SIM2: variants seen among roughly 807,000 people sequenced by gnomAD.
The protein encoded by SIM2 is single-minded homolog 2.
Under a neutral mutation model 64.8 loss-of-function variants are expected in SIM2, and 28 were observed. The observed-to-expected ratio is 0.43, with a 90% CI of 0.32 to 0.59. The LOEUF (loss-of-function observed/expected upper bound fraction) is 0.59, where lower values mean the gene tolerates loss of function less well. Among genes scored for constraint, SIM2 ranks in the 20% least tolerant of loss-of-function variants. The probability of loss-of-function intolerance (pLI) is 0.07; values close to 1 mark genes in which losing one functional copy is unlikely to be tolerated. For missense variants in SIM2, 847 were observed against 871.4 expected (o/e 0.97, Z 0.35); for synonymous variants, 408 against 391.1 (o/e 1.04, Z -0.51).
chr21:36,720,737 T>G (rs557239031), intron 4 of SIM2: 2 of 152,368 alleles, frequency 1.3e-5, no homozygotes, highest in South Asian at 2.1e-4. Context: ...GAAGCCCTGG[T>G]CATTACACAA....
intron 2 of SIM2, among the ~76,000 whole-genome samples, chr21:36,711,003 T>A (rs1359997651): frequency 6.6e-6 from 1 of 152,228 alleles, no homozygotes; most frequent in Non-Finnish European, 1.5e-5. Flanking sequence ...ACCCCCAGAC[T>A]TCTCTGTGCT....
chr21:36,736,795 T>C (rs13049561), intron 7 of SIM2, among the ~76,000 whole-genome samples: 63 of 142,516 alleles, frequency 4.4e-4, no homozygotes, highest in East Asian at 2.9e-3. Flanking sequence ...CCTTCTTTCT[T>C]TTTCTTTCTG....
chr21:36,728,961 C>T (rs80028463), intron 6 of SIM2, among the ~76,000 whole-genome samples: 323 of 152,332 alleles, frequency 2.1e-3, no homozygotes, highest in African/African-American at 6.7e-3. Context: ...GAAACTGGAG[C>T]TGATGCTTTT....
chr21:36,720,194 C>T lies in SIM2; in HGVS notation c.457+265C>T, dbSNP rs2088806647. 7.1e-6 allele frequency: 3 copies of T among 422,162 alleles called. No individual in the cohort carries two copies. The East Asian group carries it at 1.1e-4, about 15-fold the overall frequency. The allele number at this position is 422,162 out of a possible 1,614,324, so 26.2% of individuals were successfully genotyped here. A position where few individuals can be genotyped will look rare whatever the true frequency, so the allele number is the denominator to read the frequency against. On this transcript the variant is annotated intron_variant, in intron 4 of 10. Transcript: ENST00000290399. ...GGTAGAGGACAAAAGTGGTGCAAGC[C>T]TGCTCCCCTCGTGCTCTTGGGTCAG...
chr21:36,707,668 C>A (rs1431912504), intron 1 of SIM2, among the ~76,000 whole-genome samples: 1 of 151,880 alleles, frequency 6.6e-6, no homozygotes, highest in Admixed American at 6.6e-5. Context: ...GGCCGAGGTG[C>A]ATTTTACGCT....
At chr21:36,724,264 A>C (rs1348932837) in intron 5 of SIM2, among the ~76,000 whole-genome samples, 1 of 152,154 alleles carries the variant, frequency 6.6e-6, no homozygotes, top group Non-Finnish European at 1.5e-5. Context: ...GAGCCAACAG[A>C]CATTCTTCAG....
chr21:36,737,961 C>CA (rs61252184), intron 7 of SIM2, among the ~76,000 whole-genome samples: 3,368 of 33,990 alleles, frequency 0.099, 548 homozygotes, highest in African/African-American at 0.29. Flanking sequence ...GACCCTGTCT[C>CA]AAAAAAAAAA....
chr21:36,728,994 G>A (rs1417147655), intron 6 of SIM2, among the ~76,000 whole-genome samples: 3 of 152,328 alleles, frequency 2.0e-5, no homozygotes, highest in Admixed American at 6.5e-5. Context: ...TGAACACAGC[G>A]ATGTTTGGGG....
At chr21:36,729,498 G>A (rs916524407) in intron 6 of SIM2, among the ~76,000 whole-genome samples, 3 of 152,082 alleles carry the variant, frequency 2.0e-5, no homozygotes, top group Non-Finnish European at 4.4e-5. Flanking sequence ...CGAGATTTAC[G>A]ACCCAAAGCT....
At chr21:36,725,100 C>G (rs1241718516) in intron 5 of SIM2, among the ~76,000 whole-genome samples, 1 of 152,070 alleles carries the variant, frequency 6.6e-6, no homozygotes. Flanking sequence ...AATTCCAGTA[C>G]TTTGGAAGGC....
At chr21:36,706,720 G>A (rs1449324522) in intron 1 of SIM2, among the ~76,000 whole-genome samples, 1 of 152,164 alleles carries the variant, frequency 6.6e-6, no homozygotes, top group African/African-American at 2.4e-5. Context: ...AGCTGGCAGC[G>A]CCACGGCCCC....
chr21:36,730,332 G>A (rs2088949756), intron 6 of SIM2, among the ~76,000 whole-genome samples: 1 of 152,236 alleles, frequency 6.6e-6, no homozygotes, highest in Admixed American at 6.5e-5. Flanking sequence ...GCCTCAGCAT[G>A]GATAGCCTTG....
intron 1 of SIM2, among the ~76,000 whole-genome samples, chr21:36,705,318 C>G (rs1311519876): frequency 6.6e-6 from 1 of 152,242 alleles, no homozygotes; most frequent in African/African-American, 2.4e-5. Flanking sequence ...TTCTTGACTT[C>G]GAAGTGGTTT....
At position 36,719,909 on chromosome 21, in the gene SIM2, T is replaced by C. The variant is rs2088800392; in HGVS notation, c.437T>C (p.Leu146Pro). Reference sequence around the variant, plus strand: ...GCTGTCCTCACGGCCCACCAGCCGCTGCACCACCACCTGCTCCAAGGTATT... The same window carrying C: ...GCTGTCCTCACGGCCCACCAGCCGCCGCACCACCACCTGCTCCAAGGTATT... The part of the protein sequence containing the change: ...MTAVLTAHQP[L>P]HHHLLQEYEI... The change falls in exon 4 of 11, where the codon CTG (leucine) becomes CCG (proline). Residue 146 changes from leucine (L) to proline (P), a missense_variant. Physicochemically the swap from Leu to Pro is moderately conservative, Grantham distance 98. Transcript: ENST00000290399. 1 of 1,608,570 alleles carries C rather than the reference T, an allele frequency of 6.2e-7. No homozygotes were observed. Among genetic ancestry groups the C allele is most frequent in the Non-Finnish European group, 8.5e-7 (1 of 1,175,734 alleles).
At chr21:36,715,770 C>T (rs2088738753) in intron 3 of SIM2, among the ~76,000 whole-genome samples, 1 of 152,086 alleles carries the variant, frequency 6.6e-6, no homozygotes, top group Non-Finnish European at 1.5e-5. Context: ...AATGACTATC[C>T]AAATTCTTTA....
At chr21:36,728,114 G>A (rs1460709506) in intron 6 of SIM2, among the ~76,000 whole-genome samples, 1 of 152,226 alleles carries the variant, frequency 6.6e-6, no homozygotes, top group African/African-American at 2.4e-5. Flanking sequence ...AGGCAGCCAA[G>A]CTGCCCCAGC....
In SIM2 at chr21:36,726,379, G is replaced by A; in HGVS notation, c.743+61G>A. On this transcript the variant is annotated intron_variant, in intron 6 of 10. Transcript: ENST00000290399. The surrounding 1 kb of genome is among the most constrained non-coding windows in gnomAD (Gnocchi z 4.5). The stretch of plus-strand genomic sequence containing the variant: ...CTGGAAGACACCGGTGGTGGAAATG[G>A]GTCCCTGAAAGCTGCCATCTTGGCC... The A allele has an allele frequency of 6.7e-7, 1 of 1,487,686 alleles. No homozygotes were observed. The highest frequency in any genetic ancestry group is 9.2e-7 in the Non-Finnish European group (1 of 1,087,806). 92.2% of individuals were successfully genotyped at this position (1,487,686 alleles called of 1,614,324 possible). A position where few individuals can be genotyped will look rare whatever the true frequency, so the allele number is the denominator to read the frequency against.
intron 2 of SIM2, 65 bp from the exon 3 acceptor site, chr21:36,712,468 C>A: frequency 2.8e-6 from 3 of 1,081,662 alleles, no homozygotes; most frequent in African/African-American, 1.5e-5. Context: ...AGTGACTGTA[C>A]CATTGTTAGA....
chr21:36,715,284 A>T (rs1568928546), intron 3 of SIM2, among the ~76,000 whole-genome samples: 1 of 152,126 alleles, frequency 6.6e-6, no homozygotes, highest in African/African-American at 2.4e-5. Context: ...CACAATGTGT[A>T]TTTTTTTCTG....
Sources: gnomAD v4.1 joint callset for allele counts (sites outside exome capture counted in the v4.1 genomes callset) on GRCh38, gnomAD v4.1.1 for gene constraint, Gnocchi (gnomAD v3.1) non-coding constraint, MANE v1.5 for transcripts, NCBI Gene and HGNC (gene_info 2026-07-23, HGNC 2026-07-21) for gene names.